The following ATG2B variants were observed in gnomAD, a reference collection of about 807,000 sequenced individuals.
The protein encoded by ATG2B is autophagy-related protein 2 homolog B.
A neutral mutation model predicts 241.3 loss-of-function variants in ATG2B; 121 were observed. The observed-to-expected ratio is 0.50, with a 90% CI of 0.43 to 0.58. The LOEUF (loss-of-function observed/expected upper bound fraction) is 0.58. ATG2B is among the 20% of genes least tolerant of loss of function. The pLI is 0.00. For synonymous variants in ATG2B, 858 were observed against 876.6 expected (o/e 0.98, Z 0.37); for missense variants, 2,306 against 2,491.6 (o/e 0.93, Z 1.59).
intron 19 of ATG2B, 79 bp from the exon 20 acceptor site, chr14:96,317,396 T>C: frequency 2.5e-6 from 3 of 1,223,994 alleles, no homozygotes; most frequent in Non-Finnish European, 3.4e-6. Context: ...AAATATTTTA[T>C]ATAACCTGCT....
In ATG2B at chr14:96,340,926, G is replaced by A. The variant is rs866358121; in HGVS notation, c.924+596C>T. Reference sequence around the variant, plus strand: ...GGGCAACAGAGGGAGACCCCATCTCGAAAAAAAAAAAAAAAAAGAATGAAA... The same window carrying A: ...GGGCAACAGAGGGAGACCCCATCTCAAAAAAAAAAAAAAAAAAGAATGAAA... On this transcript the variant is annotated intron_variant, in intron 6 of 41. Coordinates refer to ENST00000359933, the MANE Select transcript of ATG2B (RefSeq NM_018036.7). Among the ~76,000 whole-genome samples, 1,011 of 112,906 alleles carry A rather than the reference G, an allele frequency of 9.0e-3. 18 individuals carry two copies. Among genetic ancestry groups the A allele is most frequent in the African/African-American group, 0.028 (825 of 29,654 alleles). The allele number at this position is 112,906 out of a possible 152,430, so 74.1% of individuals were successfully genotyped here.
At chr14:96,351,413 G>A (rs1595334676) in intron 1 of ATG2B, among the ~76,000 whole-genome samples, 1 of 152,270 alleles carries the variant, frequency 6.6e-6, no homozygotes, top group Middle Eastern at 3.4e-3. Context: ...ACCATCCTGG[G>A]AGACATGGTG....
chr14:96,337,049 A>G (rs931547718), intron 6 of ATG2B, among the ~76,000 whole-genome samples: 1 of 152,190 alleles, frequency 6.6e-6, no homozygotes, highest in Non-Finnish European at 1.5e-5. Flanking sequence ...CATTTTATGT[A>G]TATTGACATG....
At chr14:96,353,071 T>A (rs1351668655) in intron 1 of ATG2B, among the ~76,000 whole-genome samples, 1 of 152,206 alleles carries the variant, frequency 6.6e-6, no homozygotes, top group African/African-American at 2.4e-5. Flanking sequence ...GATACACAAA[T>A]ACCATTGTGT....
chr14:96,312,230 T>C, intron 25 of ATG2B, 71 bp from the exon 26 acceptor site: 4 of 975,930 alleles, frequency 4.1e-6, no homozygotes, highest in South Asian at 1.4e-5. Flanking sequence ...AATCACTATA[T>C]GCTTAATTGC....
rs1446771330 is a variant in ATG2B at position 96,283,039 on chromosome 14, A to G, written c.*2716T>C. ...TAGAAGAAACACTGAGTTATCTAAAAGGCAATGTTCAGTGGTGGGCAGAAA... is the reference window on the plus strand; with the variant it reads ...TAGAAGAAACACTGAGTTATCTAAAGGGCAATGTTCAGTGGTGGGCAGAAA... On this transcript the variant is annotated 3_prime_UTR_variant, in exon 42 of 42. Transcript: ENST00000359933. 6.6e-6 allele frequency: 1 copy of G among 152,224 alleles called. No homozygotes were observed. Among genetic ancestry groups the G allele is most frequent in the Non-Finnish European group, 1.5e-5 (1 of 68,044 alleles). The allele number at this position is 152,224 out of a possible 1,614,324, so 9.4% of individuals were successfully genotyped here. A position where few individuals can be genotyped will look rare whatever the true frequency, so the allele number is the denominator to read the frequency against.
In ATG2B at chr14:96,363,219, G is replaced by A. The variant is rs1888733527; in HGVS notation, c.-243C>T. The A allele has an allele frequency of 4.1e-6, 2 of 488,230 alleles. No homozygotes were observed. The highest frequency in any genetic ancestry group is 3.8e-5 in the East Asian group (1 of 26,354). The allele number at this position is 488,230 out of a possible 1,614,324, so 30.2% of individuals were successfully genotyped here. On this transcript the variant is annotated 5_prime_UTR_variant, in exon 1 of 42. Transcript: ENST00000359933. ...CCAGGCCAGGGGACTTCCGAGGAGG[G>A]TCCCAACCGGCTCGGAGAGAGTGCA...
rs771493114 is a variant in ATG2B at position 96,333,908 on chromosome 14, T to C, written c.1022-35A>G. On this transcript the variant is annotated intron_variant, in intron 7 of 41. Coordinates refer to ENST00000359933, the MANE Select transcript of ATG2B (RefSeq NM_018036.7). ...TACAAAAGGAAACCAAAACAGTAATTAAATTTGGAGTTAATTAAGCATTTC... is the reference window on the plus strand; with the variant it reads ...TACAAAAGGAAACCAAAACAGTAATCAAATTTGGAGTTAATTAAGCATTTC... 4.3e-5 allele frequency: 68 copies of C among 1,573,514 alleles called. No homozygotes were observed. In the East Asian group the frequency reaches 1.5e-3, roughly 34 times the overall value.
chr14:96,312,308 ATTT>A, intron 25 of ATG2B, 149 bp from the exon 26 acceptor site: 1 of 610,260 alleles, frequency 1.6e-6, no homozygotes, highest in South Asian at 2.0e-5. Flanking sequence ...GTCATCTAAC[ATTT>A]TTTAAAAACT....
chr14:96,351,380 T>C (rs116168170), intron 1 of ATG2B, among the ~76,000 whole-genome samples: 1,544 of 152,180 alleles, frequency 0.01, 33 homozygotes, highest in African/African-American at 0.036. Flanking sequence ...GGCAGAAGGA[T>C]TGCTTGAGTC....
At chr14:96,357,643 A>G (rs1429927015) in intron 1 of ATG2B, among the ~76,000 whole-genome samples, 2 of 151,824 alleles carry the variant, frequency 1.3e-5, no homozygotes, top group African/African-American at 4.8e-5. Context: ...TACGGTCATC[A>G]AGGTTCTTCC....
intron 15 of ATG2B, 141 bp downstream of exon 15, chr14:96,325,508 G>C (rs1566725977): frequency 1.3e-6 from 1 of 761,122 alleles, no homozygotes. Flanking sequence ...ATACTAGAAA[G>C]ACATTGTTGC....
At chr14:96,359,256 C>T (rs560135239) in intron 1 of ATG2B, among the ~76,000 whole-genome samples, 1 of 152,076 alleles carries the variant, frequency 6.6e-6, no homozygotes, top group African/African-American at 2.4e-5. Context: ...CCTGTAGTCC[C>T]AGCTACTGCA....
chr14:96,347,070 G>A (rs1169222894), intron 2 of ATG2B, 109 bp downstream of exon 2: 7 of 1,014,854 alleles, frequency 6.9e-6, no homozygotes, highest in Non-Finnish European at 9.4e-6. Context: ...ATTATCAACT[G>A]AAAATTTCAC....
At position 96,322,547 on chromosome 14, in the gene ATG2B, T is replaced by C. The variant is rs765692437; in HGVS notation, c.2729A>G (p.Asn910Ser). The part of the protein sequence containing the change: ...PFSSRRVMFE[N>S]EQMVMPGDPV... ...GCTTGCTCACACTTTTACCTGTTCA[T>C]TTTCAAACATTACTCTACGAGAAGA... Residue 910 changes from asparagine (N) to serine (S), a missense_variant, in exon 17 of 42, where the codon AAT becomes AGT. By Grantham distance (46) the Asn-to-Ser change is conservative. Around this residue, in one of 2 missense-constraint regions of ATG2B, gnomAD observed 1,927 missense variants for 2,011.2 expected, o/e 0.96. Coordinates refer to ENST00000359933, the MANE Select transcript of ATG2B (RefSeq NM_018036.7). 3 of 1,611,194 alleles carry C rather than the reference T, an allele frequency of 1.9e-6. No homozygotes were observed. Among genetic ancestry groups the C allele is most frequent in the Non-Finnish European group, 2.5e-6 (3 of 1,179,194 alleles).
At chr14:96,321,828 A>C (rs1887463918) in intron 18 of ATG2B, among the ~76,000 whole-genome samples, 1 of 152,158 alleles carries the variant, frequency 6.6e-6, no homozygotes, top group African/African-American at 2.4e-5. Flanking sequence ...ACATAAAGAA[A>C]AAAATTGTAT....
Position 96,325,631 on chromosome 14 carries a change from A to G in ATG2B, c.2437+18T>C. The stretch of plus-strand genomic sequence containing the variant: ...TTGTTATCTAGGATGGTTCTTTTAC[A>G]GGCACATTCAATCTTACCAATTAGT... On this transcript the variant is annotated intron_variant, in intron 15 of 41. Coordinates refer to ENST00000359933, the MANE Select transcript of ATG2B (RefSeq NM_018036.7). 1 of 1,595,282 alleles carries G rather than the reference A, an allele frequency of 6.3e-7. No individual in the cohort carries two copies. The highest frequency in any genetic ancestry group is 8.5e-7 in the Non-Finnish European group (1 of 1,172,098).
rs1236143994 is a variant in ATG2B, at chr14:96,308,251, T to C, written c.4303+1202A>G. ...ATATACATATATATATATATATATA[T>C]ACACACATATATATATATATATATA... On this transcript the variant is annotated intron_variant, in intron 29 of 41. Transcript: ENST00000359933. 2.1e-3 allele frequency among the ~76,000 whole-genome samples: 45 copies of C among 20,956 alleles called. 1 individual carries two copies. Among genetic ancestry groups the C allele is most frequent in the South Asian group, 0.018 (14 of 796 alleles). The allele number at this position is 20,956 out of a possible 152,430, so 13.7% of individuals were successfully genotyped here.
In ATG2B at chr14:96,282,345, T is replaced by TGATGGAGAAAAGAACTTGACGGACATTC. The variant is rs1886221136; in HGVS notation, c.*3382_*3409dup. ...TTCCTTTCAAGGAACTTAAAGAACT[T>TGATGGAGAAAAGAACTTGACGGACATTC]GATGGAGAAAAGAACTTGACGGACA... On this transcript the variant is annotated 3_prime_UTR_variant, in exon 42 of 42. Coordinates refer to ENST00000359933, the MANE Select transcript of ATG2B (RefSeq NM_018036.7). 4 of 152,324 alleles carry TGATGGAGAAAAGAACTTGACGGACATTC rather than the reference T, an allele frequency of 2.6e-5. No individual in the cohort carries two copies. The highest frequency in any genetic ancestry group is 9.6e-5 in the African/African-American group (4 of 41,576). The allele number at this position is 152,324 out of a possible 1,614,324, so 9.4% of individuals were successfully genotyped here.
Sources: allele counts gnomAD v4.1 joint callset (sites outside exome capture counted in the v4.1 genomes callset), GRCh38; gene constraint gnomAD v4.1.1; regional missense constraint gnomAD v4.1.1; transcripts MANE v1.5; gene names NCBI Gene and HGNC (gene_info 2026-07-23, HGNC 2026-07-21).